CFAP58: variants seen among roughly 807,000 people sequenced by gnomAD.
The protein encoded by CFAP58 is cilia and flagella associated protein 58, also known as cilia- and flagella-associated protein 58.
A neutral mutation model predicts 119.5 loss-of-function variants in CFAP58; 88 were observed. The observed-to-expected ratio is 0.74, with a 90% confidence interval of 0.62 to 0.88. CFAP58 has a LOEUF of 0.88. CFAP58 is among the 40% of genes least tolerant of loss of function. The probability of loss-of-function intolerance (pLI) is 0.00; values close to 1 mark genes in which losing one functional copy is unlikely to be tolerated. For missense variants in CFAP58, 990 were observed against 1,021.2 expected (o/e 0.97, Z 0.42); for synonymous variants, 365 against 366.3 (o/e 1.00, Z 0.04).
intron 6 of CFAP58, among the ~76,000 whole-genome samples, chr10:104,369,465 C>T (rs931613218): frequency 1.3e-5 from 2 of 152,142 alleles, no homozygotes; most frequent in East Asian, 1.9e-4. Flanking sequence ...GCCTTAACAT[C>T]GACTAATTTG....
intron 15 of CFAP58, among the ~76,000 whole-genome samples, chr10:104,435,534 CT>C (rs2012919511): frequency 6.6e-6 from 1 of 152,150 alleles, no homozygotes; most frequent in Non-Finnish European, 1.5e-5. Context: ...AACCCTTGTC[CT>C]TTTTAGCCTC....
chr10:104,365,780 T>G, intron 4 of CFAP58, 34 bp from the exon 5 acceptor site: 1 of 1,568,934 alleles, frequency 6.4e-7, no homozygotes, highest in Non-Finnish European at 8.6e-7. Context: ...TCAGGGCTCA[T>G]CTCTTTCTCT....
At chr10:104,441,552 T>A (rs2013037332) in intron 15 of CFAP58, among the ~76,000 whole-genome samples, 1 of 152,242 alleles carries the variant, frequency 6.6e-6, no homozygotes, top group Non-Finnish European at 1.5e-5. Context: ...AGATTTTACA[T>A]ACATATATTT....
intron 15 of CFAP58, among the ~76,000 whole-genome samples, chr10:104,441,342 A>T (rs909854122): frequency 4.6e-5 from 7 of 152,236 alleles, no homozygotes; most frequent in African/African-American, 1.7e-4. Flanking sequence ...ACAGTCACAC[A>T]CATAGAGTTA....
At chr10:104,453,857 C>T (rs2013234724) in intron 17 of CFAP58, among the ~76,000 whole-genome samples, 1 of 151,400 alleles carries the variant, frequency 6.6e-6, no homozygotes, top group Admixed American at 6.6e-5. Context: ...TTCCCTCATC[C>T]ATTGCCAAAA....
chr10:104,370,733 A>G (rs931919466), intron 6 of CFAP58, among the ~76,000 whole-genome samples, 162 bp from the exon 7 acceptor site: 1 of 152,204 alleles, frequency 6.6e-6, no homozygotes, highest in African/African-American at 2.4e-5. Flanking sequence ...CAGTTTTTCA[A>G]TTTCTCTCAA....
intron 8 of CFAP58, among the ~76,000 whole-genome samples, chr10:104,378,512 G>A (rs1329498016): frequency 6.6e-6 from 1 of 152,190 alleles, no homozygotes; most frequent in Non-Finnish European, 1.5e-5. Context: ...TGGAACTCAA[G>A]GATACAGCTG....
Position 104,452,298 on chromosome 10 carries a change from A to G in CFAP58, c.2510+2094A>G, listed in dbSNP as rs1456214306. ...GAATAGAAATGAAAGAAAATAATCA[A>G]TTAATAAAATTAATAGAATAATATC... is the stretch of plus-strand genomic sequence containing the variant. On this transcript the variant is annotated intron_variant, in intron 17 of 17. Transcript: ENST00000369704. Among the ~76,000 whole-genome samples, 4 of 152,140 alleles carry G rather than the reference A, an allele frequency of 2.6e-5. No individual in the cohort carries two copies. The East Asian group carries it at 7.7e-4, about 29-fold the overall frequency.
At chr10:104,447,595 G>A in intron 15 of CFAP58, 103 bp from the exon 16 acceptor site, 1 of 1,391,234 alleles carries the variant, frequency 7.2e-7, no homozygotes, top group South Asian at 1.3e-5. Context: ...GAGCTGTGAA[G>A]TAGCTTGGGC....
chr10:104,373,931 G>A (rs957149064), intron 7 of CFAP58, among the ~76,000 whole-genome samples: 2 of 152,256 alleles, frequency 1.3e-5, no homozygotes, highest in Middle Eastern at 6.8e-3. Flanking sequence ...CTAAGGTAAG[G>A]TGTTGTTTCC....
chr10:104,376,153 T>C (rs1448944679), intron 7 of CFAP58, among the ~76,000 whole-genome samples: 1 of 152,184 alleles, frequency 6.6e-6, no homozygotes, highest in Non-Finnish European at 1.5e-5. Flanking sequence ...TGGGGTTAAA[T>C]ATTTCGATTT....
intron 9 of CFAP58, among the ~76,000 whole-genome samples, chr10:104,386,062 C>CTTTT (rs34685828): frequency 7.1e-6 from 1 of 140,498 alleles, no homozygotes; most frequent in African/African-American, 2.6e-5. Context: ...TCCTTTTTTG[C>CTTTT]TTTTTTTTTT....
intron 9 of CFAP58, among the ~76,000 whole-genome samples, chr10:104,381,419 T>C (rs2011801463): frequency 6.6e-6 from 1 of 152,078 alleles, no homozygotes; most frequent in South Asian, 2.1e-4. Flanking sequence ...GGTCTAGGAA[T>C]GGGGTGGGAG....
At chr10:104,362,411 T>C (rs367959680) in intron 3 of CFAP58, among the ~76,000 whole-genome samples, 2 of 152,304 alleles carry the variant, frequency 1.3e-5, no homozygotes, top group Admixed American at 6.5e-5. Flanking sequence ...ATCAGTAGTA[T>C]AGTTTCAAAA....
chr10:104,375,655 T>G (rs374205646), intron 7 of CFAP58, among the ~76,000 whole-genome samples: 61 of 152,284 alleles, frequency 4.0e-4, no homozygotes, highest in African/African-American at 1.4e-3. Context: ...CCTGAGAACA[T>G]GTGCCCAAAG....
intron 9 of CFAP58, among the ~76,000 whole-genome samples, chr10:104,386,187 G>C (rs1217826998): frequency 6.6e-6 from 1 of 151,320 alleles, no homozygotes; most frequent in Non-Finnish European, 1.5e-5. Context: ...AGTCCAGCCT[G>C]GCCAACATGG....
At chr10:104,399,279 G>A (rs1232576684) in intron 11 of CFAP58, 81 bp from the exon 12 acceptor site, 11 of 1,480,392 alleles carry the variant, frequency 7.4e-6, no homozygotes, top group Non-Finnish European at 1.0e-5. Context: ...AAGCACAACT[G>A]TACATCTGAA....
Position 104,454,524 on chromosome 10 carries a change from G to T in CFAP58, c.2613G>T (p.Thr871=), listed in dbSNP as rs370337063. The stretch of plus-strand genomic sequence containing the variant: ...TTCCTCTCAGGTCAACCAAAATGAC[G>T]TTCTAACCTGAAGCTGCTGGCTGTT... ...GGFPLRSTKM[T]F Residue 871 remains threonine, a synonymous_variant, in exon 18 of 18, where the codon ACG becomes ACT. Coordinates refer to ENST00000369704, the MANE Select transcript of CFAP58 (RefSeq NM_001008723.2). The T allele has an allele frequency of 9.9e-6, 16 of 1,611,362 alleles. No individual in the cohort carries two copies. Among genetic ancestry groups the T allele is most frequent in the African/African-American group, 1.3e-5 (1 of 74,958 alleles).
intron 11 of CFAP58, among the ~76,000 whole-genome samples, chr10:104,394,205 C>T (rs2012107627): frequency 6.6e-6 from 1 of 152,236 alleles, no homozygotes. Context: ...TCACTATACA[C>T]ACCACTAAAC....
Sources: allele counts gnomAD v4.1 joint callset (sites outside exome capture counted in the v4.1 genomes callset), GRCh38; gene constraint gnomAD v4.1.1; transcripts MANE v1.5; gene names NCBI Gene and HGNC (gene_info 2026-07-23, HGNC 2026-07-21).